Variants in CIB1 observed in about 807,000 individuals in gnomAD.
CIB1 encodes the protein calcium and integrin binding 1, also known as calcium and integrin-binding protein 1.
CIB1 carries 19 observed loss-of-function variants against 25.0 expected under a neutral mutation model. The observed-to-expected ratio is 0.76, with a 90% CI of 0.53 to 1.12. The LOEUF is 1.12. Among genes scored for constraint, CIB1 ranks in the 50% most tolerant of loss-of-function variants. CIB1 has a pLI of 0.00. For missense variants in CIB1, 236 were observed against 242.6 expected, an observed-to-expected ratio of 0.97 and a Z score of 0.18; for synonymous variants, 104 against 98.5, an observed-to-expected ratio of 1.06 and a Z score of -0.33.
chr15:90,245,294 G>T, the CIB1 span: 6 of 152,118 alleles, frequency 3.9e-5, no homozygotes, highest in African/African-American at 1.4e-4. Context: ...GGCCAACATG[G>T]TGAAACCCCG....
the CIB1 span, chr15:90,265,237 G>A: frequency 7.6e-7 from 1 of 1,319,002 alleles, no homozygotes; most frequent in Non-Finnish European, 9.7e-7. Context: ...TGGGTTTATC[G>A]CTAGGTGATG....
the CIB1 span, chr15:90,265,572 C>T: frequency 2.2e-6 from 3 of 1,394,914 alleles, no homozygotes; most frequent in Non-Finnish European, 1.9e-6. Context: ...GCAGCGTGAG[C>T]CCAGATCTTA....
At chr15:90,256,746 C>T in the CIB1 span, among the ~76,000 whole-genome samples, 108,612 of 151,276 alleles carry the variant, frequency 0.72, 39,886 homozygotes, top group African/African-American at 0.87. Context: ...TGGAGTGCAG[C>T]GGCACGATCT....
chr15:90,263,124 G>T, the CIB1 span: 1 of 1,526,394 alleles, frequency 6.6e-7, no homozygotes, highest in South Asian at 1.2e-5. Flanking sequence ...CCCAGGGCCA[G>T]AAAAAACTTC....
the CIB1 span, chr15:90,241,403 C>T: frequency 6.8e-6 from 11 of 1,613,702 alleles, no homozygotes; most frequent in African/African-American, 1.3e-4. Context: ...TGGAGTGGGG[C>T]CACGTGCTGC....
chr15:90,257,895 C>A, the CIB1 span: 1 of 944,050 alleles, frequency 1.1e-6, no homozygotes, highest in Non-Finnish European at 1.6e-6. Context: ...AAACCTCACC[C>A]TGATAACTAG....
chr15:90,233,792 G>T (rs1432209342), intron 1 of CIB1, 43 bp downstream of exon 1: 10 of 1,551,156 alleles, frequency 6.4e-6, no homozygotes, highest in Non-Finnish European at 8.7e-6. Context: ...CTCCCGAGAA[G>T]AGGCCCGCAC....
upstream of CIB1, among the ~76,000 whole-genome samples, chr15:90,235,442 AG>A (rs1962613040): frequency 6.6e-6 from 1 of 152,128 alleles, no homozygotes; most frequent in Non-Finnish European, 1.5e-5. Flanking sequence ...TAAACCTGGG[AG>A]CTGGAGGTTG....
the CIB1 span, chr15:90,250,597 A>G: frequency 6.9e-6 from 11 of 1,600,262 alleles, no homozygotes; most frequent in Non-Finnish European, 9.4e-6. Context: ...TATACACTTC[A>G]TTCCCACCCC....
chr15:90,256,105 A>G, the CIB1 span: 1 of 1,608,520 alleles, frequency 6.2e-7, no homozygotes. Context: ...GCCTTGATGC[A>G]CAGAAACCTT....
the CIB1 span, chr15:90,255,618 G>A: frequency 1.4e-5 from 17 of 1,258,034 alleles, no homozygotes; most frequent in Non-Finnish European, 1.7e-5. Context: ...TTGCCCTTGG[G>A]GTCCTTGGTG....
the CIB1 span, chr15:90,256,094 A>G: frequency 6.2e-7 from 1 of 1,601,970 alleles, no homozygotes; most frequent in African/African-American, 1.3e-5. Flanking sequence ...GCCCCGGGAA[A>G]GCCTTGATGC....
the CIB1 span, among the ~76,000 whole-genome samples, chr15:90,250,169 G>C: frequency 1.1e-4 from 16 of 151,968 alleles, no homozygotes; most frequent in African/African-American, 3.9e-4. Flanking sequence ...GTGCTAGCCA[G>C]GCTGCTCTCC....
chr15:90,257,146 C>T, the CIB1 span: 2 of 1,613,288 alleles, frequency 1.2e-6, no homozygotes, highest in Non-Finnish European at 1.7e-6. Context: ...AGCCCCTCCT[C>T]ATTGATGGCT....
chr15:90,265,688 C>G, the CIB1 span: 5 of 1,612,566 alleles, frequency 3.1e-6, no homozygotes, highest in Non-Finnish European at 4.2e-6. Flanking sequence ...TCGTAGCCGA[C>G]TGCTGAAGGC....
the CIB1 span, among the ~76,000 whole-genome samples, chr15:90,252,576 A>C: frequency 6.6e-6 from 1 of 152,222 alleles, no homozygotes. Flanking sequence ...AACAATCTCC[A>C]GCTAGGTCCT....
upstream of CIB1, among the ~76,000 whole-genome samples, chr15:90,236,528 C>T (rs1440660501): frequency 6.6e-6 from 1 of 152,134 alleles, no homozygotes; most frequent in Non-Finnish European, 1.5e-5. Context: ...TGGCATATTT[C>T]TCATTGTAAA....
At chr15:90,235,478 CA>C (rs949920459), upstream of CIB1, among the ~76,000 whole-genome samples, 3 of 152,030 alleles carry the variant, frequency 2.0e-5, no homozygotes, top group African/African-American at 7.2e-5. Context: ...TGTGCCACTG[CA>C]GTCCAGCCTG....
At chr15:90,244,098 C>G in the CIB1 span, 1 of 152,178 alleles carries the variant, frequency 6.6e-6, no homozygotes, top group Non-Finnish European at 1.5e-5. Context: ...TGGAGACTGA[C>G]AGTTTGTACT....
Sources: allele counts gnomAD v4.1 joint callset (sites outside exome capture counted in the v4.1 genomes callset), GRCh38; gene constraint gnomAD v4.1.1; transcripts MANE v1.5; gene names NCBI Gene and HGNC (gene_info 2026-07-23, HGNC 2026-07-21).